PTPRM: variants seen among roughly 807,000 people sequenced by gnomAD.
PTPRM encodes the protein protein tyrosine phosphatase receptor type M, also known as receptor-type tyrosine-protein phosphatase mu.
A neutral mutation model predicts 186.7 loss-of-function variants in PTPRM; 47 were observed. The observed-to-expected ratio is 0.25, with a 90% CI of 0.20 to 0.32. The LOEUF (loss-of-function observed/expected upper bound fraction) is 0.32. PTPRM is among the 10% of genes least tolerant of loss of function. The pLI, the probability that PTPRM is intolerant of heterozygous loss-of-function variation, is 1.00. For synonymous variants in PTPRM, 668 were observed against 674.9 expected, an observed-to-expected ratio of 0.99 and a Z score of 0.16; for missense variants, 1,494 against 1,865.0, an observed-to-expected ratio of 0.80 and a Z score of 3.66.
chr18:7,945,576 A>G (rs1050474389), intron 5 of PTPRM, among the ~76,000 whole-genome samples: 4 of 152,220 alleles, frequency 2.6e-5, no homozygotes, highest in African/African-American at 9.6e-5. Context: ...AAATTTCTTC[A>G]TAAATTTTAG....
chr18:8,098,796 C>T (rs1375557021), intron 11 of PTPRM, among the ~76,000 whole-genome samples: 2 of 152,082 alleles, frequency 1.3e-5, no homozygotes, highest in African/African-American at 4.8e-5. Context: ...CCTTCCATCC[C>T]CCACAATCAC....
chr18:7,578,150 T>TATG (rs1216704176), intron 1 of PTPRM, among the ~76,000 whole-genome samples: 7 of 151,552 alleles, frequency 4.6e-5, no homozygotes, highest in Admixed American at 2.6e-4. Flanking sequence ...TGATGATGAT[T>TATG]ATGATGATGA....
rs1360690871 is a variant in PTPRM, at chr18:8,337,762, G to C, written c.2957-5661G>C. ...GCTTTAAGTGACGCATCAGCAGAGG[G>C]GGGTCTTGCGGGAGGACGCTGGGAA... On this transcript the variant is annotated intron_variant, in intron 22 of 32. Coordinates refer to ENST00000580170, the MANE Select transcript of PTPRM (RefSeq NM_001105244.2). Among the ~76,000 whole-genome samples, 3 of 152,182 alleles carry C rather than the reference G, an allele frequency of 2.0e-5. No homozygotes were observed. In the East Asian group the frequency reaches 5.8e-4, roughly 29 times the overall value.
chr18:7,572,494 A>G (rs2036588005), intron 1 of PTPRM, among the ~76,000 whole-genome samples: 3 of 152,196 alleles, frequency 2.0e-5, no homozygotes, highest in Admixed American at 1.3e-4. Context: ...GTGAGGCTGT[A>G]TACAGTAGAG....
chr18:7,906,333 G>T (rs1270945420), intron 3 of PTPRM, among the ~76,000 whole-genome samples, 172 bp from the exon 4 acceptor site: 1 of 152,172 alleles, frequency 6.6e-6, no homozygotes, highest in African/African-American at 2.4e-5. Flanking sequence ...CTGGGGTGGG[G>T]TCTTGCCTAT....
At chr18:7,829,743 T>C (rs1245793873) in intron 2 of PTPRM, among the ~76,000 whole-genome samples, 1 of 152,222 alleles carries the variant, frequency 6.6e-6, no homozygotes, top group Non-Finnish European at 1.5e-5. Flanking sequence ...AACATTTCTA[T>C]TTTAGCAGAA....
intron 1 of PTPRM, among the ~76,000 whole-genome samples, chr18:7,716,297 T>C (rs992017667): frequency 6.6e-6 from 1 of 151,674 alleles, no homozygotes; most frequent in East Asian, 1.9e-4. Context: ...TTGGGAAAAC[T>C]GGCTAGCCAT....
intron 2 of PTPRM, among the ~76,000 whole-genome samples, chr18:7,825,343 C>T (rs890755570): frequency 2.6e-5 from 4 of 151,894 alleles, no homozygotes; most frequent in East Asian, 1.9e-4. Flanking sequence ...GCTTAGACTT[C>T]GCTATTTAAT....
chr18:8,038,446 C>A (rs546591697), intron 7 of PTPRM, among the ~76,000 whole-genome samples: 1 of 138,820 alleles, frequency 7.2e-6, no homozygotes, highest in Non-Finnish European at 1.6e-5. Context: ...AACTGGAGTG[C>A]AGTGGTGCAA....
chr18:7,640,413 T>C (rs1466840467), intron 1 of PTPRM, among the ~76,000 whole-genome samples: 2 of 152,230 alleles, frequency 1.3e-5, no homozygotes, highest in Admixed American at 1.3e-4. Flanking sequence ...CGAGGAATTT[T>C]ACTTTTCTCA....
chr18:7,984,998 T>TATA (rs2082820395), intron 7 of PTPRM, among the ~76,000 whole-genome samples: 2 of 126,088 alleles, frequency 1.6e-5, no homozygotes, highest in Non-Finnish European at 3.1e-5. Context: ...TATATACATA[T>TATA]AATTGTATAT....
intron 2 of PTPRM, among the ~76,000 whole-genome samples, chr18:7,867,190 C>A (rs981714404): frequency 7.9e-5 from 12 of 152,116 alleles, no homozygotes; most frequent in African/African-American, 2.9e-4. Context: ...GCATTTAGCC[C>A]ATTTACATTT....
rs112134432 is a variant in PTPRM, at chr18:8,058,138, T to C, written c.1133-11548T>C. ...CTGTTGTGTCCTGACTTTTTAATGATTGCCATTCTAACTGGTGTGAGATGG... is the reference window on the plus strand; with the variant it reads ...CTGTTGTGTCCTGACTTTTTAATGACTGCCATTCTAACTGGTGTGAGATGG... On this transcript the variant is annotated intron_variant, in intron 7 of 32. Coordinates refer to ENST00000580170, the MANE Select transcript of PTPRM (RefSeq NM_001105244.2). Among the ~76,000 whole-genome samples the C allele has an allele frequency of 8.1e-3, 1,055 of 131,036 alleles. 28 individuals are homozygous for C. The highest frequency in any genetic ancestry group is 0.03 in the African/African-American group (967 of 32,278). The allele number at this position is 131,036 out of a possible 152,430, so 86.0% of individuals were successfully genotyped here.
At chr18:8,352,886 G>A (rs529707323) in intron 23 of PTPRM, among the ~76,000 whole-genome samples, 1 of 152,188 alleles carries the variant, frequency 6.6e-6, no homozygotes, top group African/African-American at 2.4e-5. Context: ...TGGCCAGGCT[G>A]GTCTTGAACT....
rs115014639 is a variant in PTPRM at position 8,026,074 on chromosome 18, C to T, written c.1133-43612C>T. On this transcript the variant is annotated intron_variant, in intron 7 of 32. Coordinates refer to ENST00000580170, the MANE Select transcript of PTPRM (RefSeq NM_001105244.2). ...AAGAGTAAATGTTTTCCCACCTACT[C>T]AAAACTCCTTAGACAAATTGCTAGG... Among the ~76,000 whole-genome samples the T allele has an allele frequency of 3.8e-3, 577 of 152,336 alleles. 7 individuals are homozygous for T. The highest frequency in any genetic ancestry group is 0.013 in the African/African-American group (549 of 41,570).
At chr18:8,367,163 C>G (rs1310428433) in intron 23 of PTPRM, 1 of 152,034 alleles carries the variant, frequency 6.6e-6, no homozygotes, top group Non-Finnish European at 1.5e-5. Context: ...TGACACAAGT[C>G]CAAGTAGTTA....
chr18:8,126,187 C>T (rs2092359079), intron 13 of PTPRM, among the ~76,000 whole-genome samples: 1 of 150,390 alleles, frequency 6.6e-6, no homozygotes, highest in South Asian at 2.1e-4. Flanking sequence ...GAATGAATAA[C>T]AGTTGATGAC....
At chr18:7,571,241 GA>G (rs1227409792) in intron 1 of PTPRM, among the ~76,000 whole-genome samples, 1 of 152,128 alleles carries the variant, frequency 6.6e-6, no homozygotes, top group African/African-American at 2.4e-5. Context: ...TGCCCAGGCT[GA>G]AAAATTGTTT....
intron 2 of PTPRM, among the ~76,000 whole-genome samples, chr18:7,832,521 C>T (rs1217661721): frequency 1.3e-5 from 2 of 152,078 alleles, no homozygotes; most frequent in Admixed American, 6.6e-5. Context: ...TGGTTATTAG[C>T]CCCTTGTGAG....
Sources: gnomAD v4.1 joint callset for allele counts (sites outside exome capture counted in the v4.1 genomes callset) on GRCh38, gnomAD v4.1.1 for gene constraint, MANE v1.5 for transcripts, NCBI Gene and HGNC (gene_info 2026-07-23, HGNC 2026-07-21) for gene names.